Variants in RBFOX2 observed in about 807,000 individuals in gnomAD.
RBFOX2 encodes RNA binding protein fox-1 homolog 2.
A neutral mutation model predicts 49.1 loss-of-function variants in RBFOX2; 10 were observed. That is an observed-to-expected ratio of 0.20 (90% CI 0.13 to 0.35). The LOEUF (loss-of-function observed/expected upper bound fraction) is 0.35, where lower values mean the gene tolerates loss of function less well. Ranked by LOEUF, RBFOX2 falls within the 10% of genes least tolerant of loss-of-function variation. The pLI is 1.00. For missense variants in RBFOX2, 323 were observed against 486.9 expected (o/e 0.66, Z 3.17); for synonymous variants, 183 against 187.4 (o/e 0.98, Z 0.19).
chr22:36,016,772 T>C (rs2059052361), intron 1 of RBFOX2, among the ~76,000 whole-genome samples: 1 of 152,236 alleles, frequency 6.6e-6, no homozygotes, highest in African/African-American at 2.4e-5. Flanking sequence ...AATTCAAGAA[T>C]GTCATCTACT....
chr22:35,867,224 G>A (rs1221323339), intron 1 of RBFOX2, among the ~76,000 whole-genome samples: 4 of 152,156 alleles, frequency 2.6e-5, no homozygotes, highest in African/African-American at 7.2e-5. Flanking sequence ...GTCACAAGTA[G>A]TTTGCCTATG....
intron 1 of RBFOX2, among the ~76,000 whole-genome samples, chr22:36,007,934 T>C (rs968694355): frequency 6.6e-6 from 1 of 152,210 alleles, no homozygotes; most frequent in African/African-American, 2.4e-5. Context: ...GCAGATTTCC[T>C]GTCAACGAGC....
intron 4 of RBFOX2, among the ~76,000 whole-genome samples, chr22:35,770,518 T>C (rs574376727): frequency 2.0e-5 from 3 of 152,268 alleles, no homozygotes; most frequent in African/African-American, 7.2e-5. Context: ...GTAAAGAAAC[T>C]GAGTCGAACT....
At chr22:35,892,309 G>A (rs978255823) in intron 1 of RBFOX2, among the ~76,000 whole-genome samples, 2 of 152,134 alleles carry the variant, frequency 1.3e-5, no homozygotes, top group East Asian at 1.9e-4. Flanking sequence ...TCTGAAACCC[G>A]TATTCTTTTC....
intron 11 of RBFOX2, among the ~76,000 whole-genome samples, chr22:35,744,487 T>G (rs991492438): frequency 1.3e-5 from 2 of 152,230 alleles, no homozygotes; most frequent in African/African-American, 4.8e-5. Flanking sequence ...TGACGACATT[T>G]TATTTCATTA....
chr22:35,989,114 A>C (rs2057851948), intron 1 of RBFOX2, among the ~76,000 whole-genome samples: 1 of 152,244 alleles, frequency 6.6e-6, no homozygotes. Flanking sequence ...CACACTGAGC[A>C]GGTGGATACA....
At chr22:35,973,853 G>A (rs2057008247) in intron 1 of RBFOX2, among the ~76,000 whole-genome samples, 4 of 152,136 alleles carry the variant, frequency 2.6e-5, no homozygotes, top group Non-Finnish European at 2.9e-5. Context: ...ACGGCATAGG[G>A]GACCGACCAC....
exon 12 of RBFOX2, chr22:35,742,840 G>A (rs1930626454): frequency 6.6e-6 from 1 of 152,416 alleles, no homozygotes; most frequent in Non-Finnish European, 1.5e-5. Context: ...GCAATCTCAG[G>A]GCCTCTGCAT....
chr22:35,796,885 T>A (rs530036825), intron 2 of RBFOX2, among the ~76,000 whole-genome samples: 3 of 152,278 alleles, frequency 2.0e-5, no homozygotes, highest in African/African-American at 7.2e-5. Context: ...TTTTTCAAAA[T>A]TCTAATTTCT....
intron 1 of RBFOX2, among the ~76,000 whole-genome samples, chr22:35,839,458 GAGAGA>G (rs997235276): frequency 4.6e-5 from 7 of 152,128 alleles, no homozygotes; most frequent in South Asian, 2.1e-4. Flanking sequence ...GAGTGGGAGA[GAGAGA>G]AGAGAAGAGA....
At chr22:36,024,423 C>T (rs1300195070) in intron 1 of RBFOX2, among the ~76,000 whole-genome samples, 1 of 152,152 alleles carries the variant, frequency 6.6e-6, no homozygotes, top group African/African-American at 2.4e-5. Context: ...TCAGGGAAGG[C>T]TTCACAAAAG....
At chr22:35,841,894 T>A (rs960472620), upstream of RBFOX2, among the ~76,000 whole-genome samples, 4 of 152,162 alleles carry the variant, frequency 2.6e-5, no homozygotes, top group Admixed American at 1.3e-4. Flanking sequence ...ACCAGGCTTT[T>A]AAAAATGTTC....
upstream of RBFOX2, among the ~76,000 whole-genome samples, chr22:35,842,212 G>A (rs938125898): frequency 6.6e-6 from 1 of 152,250 alleles, no homozygotes; most frequent in Middle Eastern, 3.4e-3. Context: ...ATGTAACATA[G>A]TATATCAGGC....
intron 2 of RBFOX2, among the ~76,000 whole-genome samples, chr22:35,791,551 GAA>G (rs1050846257): frequency 9.9e-5 from 15 of 152,006 alleles, no homozygotes; most frequent in Non-Finnish European, 2.2e-4. Context: ...ATGAAACTTA[GAA>G]AGAGACTGAA....
At chr22:35,838,948 A>G (rs1958198147) in intron 1 of RBFOX2, among the ~76,000 whole-genome samples, 1 of 152,190 alleles carries the variant, frequency 6.6e-6, no homozygotes, top group African/African-American at 2.4e-5. Context: ...TATATAACTA[A>G]ACAGGATTCC....
chr22:35,776,132 A>T (rs932134766), intron 4 of RBFOX2, among the ~76,000 whole-genome samples: 1 of 152,170 alleles, frequency 6.6e-6, no homozygotes, highest in Non-Finnish European at 1.5e-5. Context: ...AAATCTCCAC[A>T]TATTTATTTT....
At chr22:36,028,434 G>GC in exon 1 of RBFOX2, 2 of 1,200,154 alleles carry the variant, frequency 1.7e-6, no homozygotes, top group Non-Finnish European at 2.1e-6. Context: ...ATCCGCCCGC[G>GC]CCCCCCTCGC....
At chr22:35,784,699 C>A (rs1219655778) in intron 2 of RBFOX2, among the ~76,000 whole-genome samples, 1 of 152,272 alleles carries the variant, frequency 6.6e-6, no homozygotes, top group South Asian at 2.1e-4. Context: ...CCAAGTCCTG[C>A]AGGTTCTTGT....
chr22:35,840,623 C>CGTGTGTGTGTGT (rs1157342118), upstream of RBFOX2: 1 of 1,067,246 alleles, frequency 9.4e-7, no homozygotes, highest in African/African-American at 1.9e-5. Flanking sequence ...CGCGTGTGTG[C>CGTGTGTGTGTGT]GTGTGTGCGT....
Sources: allele counts gnomAD v4.1 joint callset (sites outside exome capture counted in the v4.1 genomes callset), GRCh38; gene constraint gnomAD v4.1.1; transcripts MANE v1.5; gene names NCBI Gene and HGNC (gene_info 2026-07-23, HGNC 2026-07-21).